FGF13: variants seen among roughly 807,000 people sequenced by gnomAD.
The protein encoded by FGF13 is fibroblast growth factor homologous factor 2.
FGF13 carries 2 observed loss-of-function variants against 19.5 expected under a neutral mutation model. The observed-to-expected ratio is 0.10, with a 90% CI of 0.04 to 0.32. The LOEUF (loss-of-function observed/expected upper bound fraction) is 0.32, where lower values mean the gene tolerates loss of function less well. Among genes scored for constraint, FGF13 ranks in the 10% least tolerant of loss-of-function variants. The pLI, the probability that FGF13 is intolerant of heterozygous loss-of-function variation, is 1.00. For synonymous variants in FGF13, 72 were observed against 76.9 expected, an observed-to-expected ratio of 0.94 and a Z score of 0.33; for missense variants, 113 against 192.7, an observed-to-expected ratio of 0.59 and a Z score of 2.45.
chrX:139,135,020 G>A (rs748504411), intron 1 of FGF13, among the ~76,000 whole-genome samples: 5 of 111,185 alleles, frequency 4.5e-5, no homozygotes, highest in South Asian at 7.6e-4. Flanking sequence ...TTTCACAGGA[G>A]CTCAGATGAA....
At position 138,630,120 on chromosome X, in the gene FGF13, T is replaced by C. The variant is rs937392991; in HGVS notation, c.*2730A>G. On this transcript the variant is annotated 3_prime_UTR_variant, in exon 5 of 5. Transcript: ENST00000315930. The stretch of plus-strand genomic sequence containing the variant: ...GGTTTGAGGACTATTTATTTACTTA[T>C]TAATTTATTTTAACACCACTGTCTG... The C allele has an allele frequency of 2.7e-5, 3 of 110,703 alleles. No individual in the cohort carries two copies. The highest frequency in any genetic ancestry group is 9.9e-5 in the African/African-American group (3 of 30,397). 9.1% of individuals were successfully genotyped at this position (110,703 alleles called of 1,213,427 possible). A position where few individuals can be genotyped will look rare whatever the true frequency, so the allele number is the denominator to read the frequency against.
chrX:138,840,379 A>T (rs2091142575), intron 3 of FGF13, among the ~76,000 whole-genome samples: 1 of 111,984 alleles, frequency 8.9e-6, no homozygotes, highest in South Asian at 3.8e-4. Context: ...ATCCAGAAAC[A>T]GTTTACACAC....
intron 1 of FGF13, among the ~76,000 whole-genome samples, chrX:139,202,184 G>A (rs768912370): frequency 1.8e-5 from 2 of 111,930 alleles, no homozygotes; most frequent in Non-Finnish European, 3.8e-5. Flanking sequence ...TTTGGTTTCA[G>A]GGTCTCCCAA....
chrX:138,627,226 T>C lies in FGF13; in HGVS notation c.*5624A>G, dbSNP rs2089071113. On this transcript the variant is annotated 3_prime_UTR_variant, in exon 5 of 5. Transcript: ENST00000315930. ...TGTGAAGCGCTGACAGTATTTAAGG[T>C]CATAAATATCTACTGTGCCAACAAG... is the stretch of plus-strand genomic sequence containing the variant. The C allele has an allele frequency of 9.0e-6, 1 of 111,668 alleles. No individual in the cohort carries two copies. The highest frequency in any genetic ancestry group is 1.9e-5 in the Non-Finnish European group (1 of 53,185). The allele number at this position is 111,668 out of a possible 1,213,427, so 9.2% of individuals were successfully genotyped here.
chrX:139,054,907 GTA>G (rs1343028239), intron 1 of FGF13, among the ~76,000 whole-genome samples: 2,036 of 106,540 alleles, frequency 0.019, 40 homozygotes, highest in African/African-American at 0.049. Flanking sequence ...GTGTTGTATT[GTA>G]TTGTATTGTA....
chrX:138,962,579 A>G (rs780122065), intron 1 of FGF13, among the ~76,000 whole-genome samples: 69 of 112,444 alleles, frequency 6.1e-4, no homozygotes, highest in African/African-American at 2.2e-3. Flanking sequence ...ACAATAGCAA[A>G]GACTTGGAAC....
chrX:139,149,378 G>T (rs1471655258), intron 1 of FGF13, among the ~76,000 whole-genome samples: 3 of 112,129 alleles, frequency 2.7e-5, no homozygotes, highest in Non-Finnish European at 3.8e-5. Context: ...TGTTACATTG[G>T]AAATACTTTG....
At position 138,629,745 on chromosome X, in the gene FGF13, A is replaced by G. The variant is rs759701044; in HGVS notation, c.*3105T>C. On this transcript the variant is annotated 3_prime_UTR_variant, in exon 5 of 5. Transcript: ENST00000315930. ...GGTTCTCAAAGTCCCGAGGATCAACAGCCTCAGCATCACCTGGAAACTTGT... is the reference window on the plus strand; with the variant it reads ...GGTTCTCAAAGTCCCGAGGATCAACGGCCTCAGCATCACCTGGAAACTTGT... 7.2e-5 allele frequency: 8 copies of G among 111,558 alleles called. No individual in the cohort carries two copies. The East Asian group carries it at 2.3e-3, about 32-fold the overall frequency. The allele number at this position is 111,558 out of a possible 1,213,427, so 9.2% of individuals were successfully genotyped here.
At position 139,142,265 on chromosome X, in the gene FGF13, T is replaced by C. The variant is rs558082479; in HGVS notation, c.-113+61151A>G. Among the ~76,000 whole-genome samples the C allele has an allele frequency of 5.3e-4, 59 of 111,896 alleles. 2 individuals are homozygous for C. The South Asian group carries it at 0.022, about 41-fold the overall frequency. ...ATGTTTATTGTCAATATTTTAGTTG[T>C]CAAGTGAGAAAATGGCACAGATAAT... On this transcript the variant is annotated intron_variant, in intron 1 of 2. Transcript: ENST00000421460.
chrX:138,745,370 G>T (rs915957462), intron 3 of FGF13, among the ~76,000 whole-genome samples: 1 of 111,297 alleles, frequency 9.0e-6, no homozygotes, highest in African/African-American at 3.3e-5. Context: ...AAAGTTACTT[G>T]GTTTGTGCAG....
At chrX:139,138,574 G>T (rs1303558450) in intron 1 of FGF13, among the ~76,000 whole-genome samples, 6 of 111,009 alleles carry the variant, frequency 5.4e-5, no homozygotes, top group Non-Finnish European at 1.1e-4. Flanking sequence ...GCAGCCACCA[G>T]AGCTCACTTA....
intron 1 of FGF13, among the ~76,000 whole-genome samples, chrX:139,005,813 G>C (rs1460328293): frequency 5.7e-5 from 6 of 106,173 alleles, no homozygotes; most frequent in Admixed American, 5.1e-4. Context: ...GAGTCTAATA[G>C]CAGAATGGAT....
At chrX:138,843,203 G>A (rs1487190048) in intron 3 of FGF13, among the ~76,000 whole-genome samples, 1 of 112,161 alleles carries the variant, frequency 8.9e-6, no homozygotes, top group African/African-American at 3.2e-5. Context: ...AGAAGATAAA[G>A]TTCAGTTCGC....
intron 1 of FGF13, among the ~76,000 whole-genome samples, chrX:138,724,596 C>T (rs996253397): frequency 8.9e-6 from 1 of 111,864 alleles, no homozygotes; most frequent in Non-Finnish European, 1.9e-5. Flanking sequence ...AAGTATAGTG[C>T]TTAACAACGC....
chrX:138,867,849 C>A (rs2091337453), intron 1 of FGF13, among the ~76,000 whole-genome samples: 1 of 105,089 alleles, frequency 9.5e-6, no homozygotes, highest in Non-Finnish European at 2.0e-5. Context: ...TCTATCTATC[C>A]TCCCTAAGTA....
At chrX:139,048,355 A>G (rs1267362558) in intron 1 of FGF13, among the ~76,000 whole-genome samples, 1 of 110,913 alleles carries the variant, frequency 9.0e-6, no homozygotes, top group Non-Finnish European at 1.9e-5. Flanking sequence ...TATTACTCTC[A>G]TTTACATTAA....
At position 138,881,601 on chromosome X, in the gene FGF13, T is replaced by C. The variant is rs747599129; in HGVS notation, c.-112-16951A>G. Among the ~76,000 whole-genome samples, 4 of 111,848 alleles carry C rather than the reference T, an allele frequency of 3.6e-5. No homozygotes were observed. In the East Asian group the frequency reaches 1.1e-3, roughly 31 times the overall value. On this transcript the variant is annotated intron_variant, in intron 1 of 2. Coordinates refer to the FGF13 transcript ENST00000421460. ...CATCTCCTTACTTGTTGTCAGTCTA[T>C]TTAGATATTCTGTTTCTTCATCATT... is the stretch of plus-strand genomic sequence containing the variant.
At chrX:138,884,433 C>T (rs17001808) in intron 1 of FGF13, among the ~76,000 whole-genome samples, 4,829 of 112,060 alleles carry the variant, frequency 0.043, 279 homozygotes, top group African/African-American at 0.15. Context: ...TATAAGCAGA[C>T]ACCTGTTACC....
chrX:138,945,193 G>A (rs1423559262), intron 1 of FGF13, among the ~76,000 whole-genome samples: 1 of 110,996 alleles, frequency 9.0e-6, no homozygotes, highest in Non-Finnish European at 1.9e-5. Context: ...TGGAGGGCTT[G>A]AATTTTTGTT....
Sources: allele counts gnomAD v4.1 joint callset (sites outside exome capture counted in the v4.1 genomes callset), GRCh38; gene constraint gnomAD v4.1.1; transcripts MANE v1.5; gene names NCBI Gene and HGNC (gene_info 2026-07-23, HGNC 2026-07-21).